Variants in RFT1 observed in about 807,000 individuals in gnomAD.
RFT1 encodes man(5)GlcNAc(2)-PP-dolichol translocation protein RFT1.
A neutral mutation model predicts 62.2 loss-of-function variants in RFT1; 43 were observed. That is an observed-to-expected ratio of 0.69 (90% CI 0.54 to 0.89). The LOEUF (loss-of-function observed/expected upper bound fraction) is 0.89. Among genes scored for constraint, RFT1 ranks in the 40% least tolerant of loss-of-function variants. The pLI, the probability that RFT1 is intolerant of heterozygous loss-of-function variation, is 0.00. For missense variants in RFT1, 605 were observed against 649.9 expected, an observed-to-expected ratio of 0.93 and a Z score of 0.75; for synonymous variants, 262 against 264.6, an observed-to-expected ratio of 0.99 and a Z score of 0.10.
chr3:53,113,645 A>G (rs1701713161), intron 6 of RFT1, among the ~76,000 whole-genome samples: 1 of 152,392 alleles, frequency 6.6e-6, no homozygotes, highest in African/African-American at 2.4e-5. Flanking sequence ...TAATTTTAAT[A>G]TATTTTATTT....
chr3:53,090,629 G>A lies in RFT1; in HGVS notation c.*1274C>T, dbSNP rs1275404891. Reference sequence around the variant, plus strand: ...ATACATGCATTTTAATGCATGATAGGAGTTGCCCTTACTGGCCCTCTCTCT... The same window carrying A: ...ATACATGCATTTTAATGCATGATAGAAGTTGCCCTTACTGGCCCTCTCTCT... On this transcript the variant is annotated 3_prime_UTR_variant, in exon 13 of 13. Transcript: ENST00000296292. The A allele has an allele frequency of 6.6e-6, 1 of 152,200 alleles. No individual in the cohort carries two copies. Among genetic ancestry groups the A allele is most frequent in the Non-Finnish European group, 1.5e-5 (1 of 68,054 alleles). 9.4% of individuals were successfully genotyped at this position (152,200 alleles called of 1,614,324 possible).
chr3:53,070,261 C>T, the RFT1 span, among the ~76,000 whole-genome samples: 1 of 152,022 alleles, frequency 6.6e-6, no homozygotes, highest in Non-Finnish European at 1.5e-5. Context: ...TGAAAAAAAT[C>T]AAAACAGGCT....
Position 53,090,226 on chromosome 3 carries a change from T to C in RFT1, c.*1677A>G, listed in dbSNP as rs1221279076. 1 of 152,712 alleles carries C rather than the reference T, an allele frequency of 6.5e-6. No individual in the cohort carries two copies. The highest frequency in any genetic ancestry group is 2.4e-5 in the African/African-American group (1 of 41,428). The allele number at this position is 152,712 out of a possible 1,614,324, so 9.5% of individuals were successfully genotyped here. A position where few individuals can be genotyped will look rare whatever the true frequency, so the allele number is the denominator to read the frequency against. On this transcript the variant is annotated 3_prime_UTR_variant, in exon 13 of 13. Transcript: ENST00000296292. ...AGGTGGGCACGGGATAGGTGCAGGG[T>C]TCCGGGAGGGTGATCAGCAGCTGCA...
At chr3:53,066,886 G>A in the RFT1 span, among the ~76,000 whole-genome samples, 2 of 152,242 alleles carry the variant, frequency 1.3e-5, no homozygotes, top group East Asian at 3.8e-4. Flanking sequence ...TTTATTCATA[G>A]TAGCCAAAAA....
intron 11 of RFT1, among the ~76,000 whole-genome samples, chr3:53,094,351 GCACACACA>G (rs55637878): frequency 0.029 from 4,312 of 149,820 alleles, 166 homozygotes; most frequent in African/African-American, 0.083. Flanking sequence ...AATACTACAC[GCACACACA>G]CACACACACA....
intron 10 of RFT1, 189 bp downstream of exon 10, chr3:53,103,764 C>A: frequency 1.4e-6 from 1 of 692,104 alleles, no homozygotes; most frequent in Non-Finnish European, 2.5e-6. Context: ...CTGGCGCCAA[C>A]GCCCCTGCCT....
rs374252619 is a variant in RFT1, at chr3:53,125,994, C to A, written c.64G>T (p.Val22Leu). The change falls in exon 2 of 13, where the codon GTG becomes TTG. Residue 22 changes from valine to leucine, a missense_variant and splice_region_variant. Physicochemically the swap from Val to Leu is conservative, Grantham distance 32. Transcript: ENST00000296292. ...ACAAAGGTGATCAACCGAAACAACA[C>A]CTATAGAAAAAGAGGAAAAATACGT... ...RLASSGLLLQ[V>L]LFRLITFVLN... The A allele has an allele frequency of 1.2e-6, 2 of 1,611,346 alleles. No individual in the cohort carries two copies. Among genetic ancestry groups the A allele is most frequent in the South Asian group, 2.2e-5 (2 of 90,844 alleles).
intron 5 of RFT1, among the ~76,000 whole-genome samples, chr3:53,120,690 G>C (rs770528249): frequency 6.6e-6 from 1 of 152,046 alleles, no homozygotes; most frequent in Non-Finnish European, 1.5e-5. Flanking sequence ...AGCTCCCTTC[G>C]ACCCTCTTTC....
At chr3:53,072,913 CTCTGCCTGCTCTAG>C in the RFT1 span, among the ~76,000 whole-genome samples, 13 of 152,226 alleles carry the variant, frequency 8.5e-5, no homozygotes, top group African/African-American at 3.1e-4. Context: ...CCACCGCCCT[CTCTGCCTGCTCTAG>C]TGCCTGCCGC....
intron 6 of RFT1, among the ~76,000 whole-genome samples, chr3:53,115,213 C>T (rs893076173): frequency 1.2e-4 from 19 of 152,078 alleles, no homozygotes; most frequent in African/African-American, 4.3e-4. Context: ...GATTGGGGCT[C>T]GACCTGCAGT....
chr3:53,087,424 G>C (rs78830215), downstream of RFT1, among the ~76,000 whole-genome samples: 1 of 152,062 alleles, frequency 6.6e-6, no homozygotes, highest in African/African-American at 2.4e-5. Context: ...CCCACCGTCC[G>C]GGCCTGCCCA....
the RFT1 span, among the ~76,000 whole-genome samples, chr3:53,073,534 C>T: frequency 6.6e-6 from 1 of 152,228 alleles, no homozygotes; most frequent in African/African-American, 2.4e-5. Flanking sequence ...CGGGCTGAGG[C>T]TGGACCAAGG....
At chr3:53,116,051 T>A (rs1191885775) in intron 6 of RFT1, among the ~76,000 whole-genome samples, 1 of 152,238 alleles carries the variant, frequency 6.6e-6, no homozygotes. Flanking sequence ...ACGGAAGCCA[T>A]TATTTGAAGT....
chr3:53,093,042 T>C (rs533495643), intron 11 of RFT1, among the ~76,000 whole-genome samples: 94 of 152,254 alleles, frequency 6.2e-4, no homozygotes, highest in Middle Eastern at 3.4e-3. Flanking sequence ...TTGGATTTAT[T>C]TCACAGACAA....
At chr3:53,074,139 C>T in the RFT1 span, among the ~76,000 whole-genome samples, 1 of 152,044 alleles carries the variant, frequency 6.6e-6, no homozygotes, top group Non-Finnish European at 1.5e-5. Flanking sequence ...CCCTACTGGC[C>T]CCTCTGGAAG....
intron 10 of RFT1, among the ~76,000 whole-genome samples, chr3:53,100,777 G>A (rs930679774): frequency 2.0e-5 from 3 of 152,218 alleles, no homozygotes; most frequent in Admixed American, 1.3e-4. Flanking sequence ...CTGAGGTGGA[G>A]TGGGGTAGTT....
chr3:53,078,304 C>T, the RFT1 span: 7,796 of 152,322 alleles, frequency 0.051, 256 homozygotes, highest in Non-Finnish European at 0.076. Context: ...GGACTGGCCT[C>T]GGGCAGGACA....
intron 1 of RFT1, among the ~76,000 whole-genome samples, chr3:53,127,200 T>G (rs1055207061): frequency 6.8e-6 from 1 of 147,866 alleles, no homozygotes; most frequent in African/African-American, 2.5e-5. Context: ...GTGGATCAAC[T>G]GAGGTCAGGA....
intron 2 of RFT1, among the ~76,000 whole-genome samples, chr3:53,124,642 G>T (rs1484681928): frequency 7.2e-5 from 11 of 152,136 alleles, no homozygotes; most frequent in African/African-American, 2.7e-4. Context: ...AGGAGGATTT[G>T]CCCCTCTTCC....
Sources: allele counts gnomAD v4.1 joint callset (sites outside exome capture counted in the v4.1 genomes callset), GRCh38; gene constraint gnomAD v4.1.1; transcripts MANE v1.5; gene names NCBI Gene and HGNC (gene_info 2026-07-23, HGNC 2026-07-21).